Variants in HS6ST3 observed in about 807,000 individuals in gnomAD.
HS6ST3 encodes heparan sulfate 6-O-sulfotransferase 3.
Under a neutral mutation model 36.7 loss-of-function variants are expected in HS6ST3, and 12 were observed. The ratio of observed to expected loss-of-function variants is 0.33; its 90% CI spans 0.21 to 0.53. HS6ST3 has a LOEUF of 0.53. HS6ST3 is among the 20% of genes least tolerant of loss of function. The pLI is 0.95. For missense variants in HS6ST3, 584 were observed against 640.9 expected, an observed-to-expected ratio of 0.91 and a Z score of 0.96; for synonymous variants, 240 against 257.5, an observed-to-expected ratio of 0.93 and a Z score of 0.65.
chr13:96,105,390 C>T (rs2053836985), intron 1 of HS6ST3, among the ~76,000 whole-genome samples: 1 of 152,282 alleles, frequency 6.6e-6, no homozygotes, highest in Non-Finnish European at 1.5e-5. Flanking sequence ...ATGGCTCACA[C>T]CTATAATCCC....
chr13:96,231,713 A>T (rs892587603), intron 1 of HS6ST3, among the ~76,000 whole-genome samples: 24 of 152,116 alleles, frequency 1.6e-4, no homozygotes, highest in African/African-American at 5.6e-4. Context: ...CCATGCGCAA[A>T]AGTTTGAGTA....
rs550105921 is a variant in HS6ST3 at position 96,283,509 on chromosome 13, T to C, written c.707+191940T>C. Among the ~76,000 whole-genome samples, 6 of 152,344 alleles carry C rather than the reference T, an allele frequency of 3.9e-5. No homozygotes were observed. The East Asian group carries it at 9.6e-4, about 24-fold the overall frequency. ...GGAACTGGAACAATTCTGTTGCATC[T>C]GTCTTGTCCTCCTCCTCTACTTCAT... is the stretch of plus-strand genomic sequence containing the variant. On this transcript the variant is annotated intron_variant, in intron 1 of 1. Coordinates refer to ENST00000376705, the MANE Select transcript of HS6ST3 (RefSeq NM_153456.4).
intron 1 of HS6ST3, among the ~76,000 whole-genome samples, chr13:96,502,881 C>G (rs1324034780): frequency 6.6e-6 from 1 of 152,094 alleles, no homozygotes; most frequent in African/African-American, 2.4e-5. Context: ...AAGAACAAAC[C>G]ATGATTTGAC....
chr13:96,157,360 T>C (rs2054115283), intron 1 of HS6ST3, among the ~76,000 whole-genome samples: 1 of 152,226 alleles, frequency 6.6e-6, no homozygotes. Context: ...TAAAAAATTG[T>C]ATCCTGGAAA....
intron 1 of HS6ST3, among the ~76,000 whole-genome samples, chr13:96,256,604 G>A (rs2054638727): frequency 6.6e-6 from 1 of 152,146 alleles, no homozygotes; most frequent in Non-Finnish European, 1.5e-5. Context: ...ACAGGGCTTT[G>A]CACAAGTTGT....
intron 1 of HS6ST3, among the ~76,000 whole-genome samples, chr13:96,207,905 A>AT (rs1333169946): frequency 1.3e-5 from 2 of 152,132 alleles, no homozygotes; most frequent in African/African-American, 4.8e-5. Flanking sequence ...AGGTGATGGG[A>AT]TGATCTATGT....
intron 1 of HS6ST3, among the ~76,000 whole-genome samples, chr13:96,708,111 A>G (rs1249531505): frequency 6.6e-6 from 1 of 152,230 alleles, no homozygotes; most frequent in Non-Finnish European, 1.5e-5. Flanking sequence ...TCTGCAGAAA[A>G]GCACTAAGTG....
intron 1 of HS6ST3, among the ~76,000 whole-genome samples, chr13:96,502,649 CA>C (rs890221959): frequency 2.6e-5 from 4 of 152,110 alleles, no homozygotes; most frequent in African/African-American, 9.7e-5. Context: ...GAATTCCGTA[CA>C]AGTTTATGTA....
chr13:96,766,489 C>T (rs1009491658), intron 1 of HS6ST3, among the ~76,000 whole-genome samples: 15 of 152,072 alleles, frequency 9.9e-5, no homozygotes, highest in Admixed American at 2.6e-4. Flanking sequence ...ATTAAGTAGA[C>T]GTTTTGTGAG....
rs116125690 is a variant in HS6ST3, at chr13:96,249,932, G to A, written c.707+158363G>A. ...AAAATGTAGATTAGAGTTTATGAGGGTGTTGCACAGGAACGAGGAGGTGTC... is the reference window on the plus strand; with the variant it reads ...AAAATGTAGATTAGAGTTTATGAGGATGTTGCACAGGAACGAGGAGGTGTC... On this transcript the variant is annotated intron_variant, in intron 1 of 1. Coordinates refer to ENST00000376705, the MANE Select transcript of HS6ST3 (RefSeq NM_153456.4). Among the ~76,000 whole-genome samples, 1,474 of 152,248 alleles carry A rather than the reference G, an allele frequency of 9.7e-3. 26 individuals are homozygous for A. Among genetic ancestry groups the A allele is most frequent in the African/African-American group, 0.034 (1,416 of 41,532 alleles).
chr13:96,518,831 C>T (rs1380266022), intron 1 of HS6ST3, among the ~76,000 whole-genome samples: 1 of 152,120 alleles, frequency 6.6e-6, no homozygotes, highest in Non-Finnish European at 1.5e-5. Flanking sequence ...TTTTATATTG[C>T]CTATCCTTCA....
At chr13:96,796,019 G>C (rs2138523615) in intron 1 of HS6ST3, among the ~76,000 whole-genome samples, 1 of 152,192 alleles carries the variant, frequency 6.6e-6, no homozygotes, top group African/African-American at 2.4e-5. Flanking sequence ...AGCCCAAACT[G>C]CCATCATCAT....
intron 1 of HS6ST3, among the ~76,000 whole-genome samples, chr13:96,663,603 A>T (rs1389544687): frequency 3.3e-5 from 5 of 152,206 alleles, no homozygotes; most frequent in African/African-American, 1.2e-4. Flanking sequence ...CAGTTTCCTA[A>T]CAAGTTAAAT....
intron 1 of HS6ST3, among the ~76,000 whole-genome samples, chr13:96,701,866 G>T (rs139999935): frequency 0.015 from 2,272 of 152,276 alleles, 55 homozygotes; most frequent in African/African-American, 0.051. Context: ...GGAGGCTGAG[G>T]TGGGAGGATC....
At chr13:96,207,727 A>G (rs1022639685) in intron 1 of HS6ST3, among the ~76,000 whole-genome samples, 1 of 152,198 alleles carries the variant, frequency 6.6e-6, no homozygotes, top group Non-Finnish European at 1.5e-5. Context: ...CTAATGCAAC[A>G]GAAAATCAGA....
intron 1 of HS6ST3, among the ~76,000 whole-genome samples, chr13:96,601,418 T>C (rs1230772062): frequency 1.3e-5 from 2 of 152,130 alleles, no homozygotes; most frequent in Non-Finnish European, 2.9e-5. Flanking sequence ...GTTGAAACTT[T>C]CCACTGTATT....
intron 1 of HS6ST3, among the ~76,000 whole-genome samples, chr13:96,555,542 A>C (rs937816872): frequency 2.6e-5 from 4 of 152,202 alleles, no homozygotes; most frequent in African/African-American, 9.6e-5. Context: ...AGGCTTAATG[A>C]TGGAAAACCT....
intron 1 of HS6ST3, among the ~76,000 whole-genome samples, chr13:96,332,037 G>A (rs987558507): frequency 1.3e-5 from 2 of 152,132 alleles, no homozygotes; most frequent in Admixed American, 6.5e-5. Flanking sequence ...GCCTTGCTTC[G>A]GCTCGCGCAG....
At chr13:96,615,098 T>C (rs1463787299) in intron 1 of HS6ST3, among the ~76,000 whole-genome samples, 2 of 152,206 alleles carry the variant, frequency 1.3e-5, no homozygotes, top group African/African-American at 2.4e-5. Context: ...AAATTTCTTA[T>C]ATTAGTATTA....
Sources: allele counts gnomAD v4.1 joint callset (sites outside exome capture counted in the v4.1 genomes callset), GRCh38; gene constraint gnomAD v4.1.1; transcripts MANE v1.5; gene names NCBI Gene and HGNC (gene_info 2026-07-23, HGNC 2026-07-21).